The following KCNIP4 variants were observed in gnomAD, a reference collection of about 807,000 sequenced individuals.
KCNIP4 encodes the protein potassium voltage-gated channel interacting protein 4.
A neutral mutation model predicts 34.0 loss-of-function variants in KCNIP4; 12 were observed. That is an observed-to-expected ratio of 0.35 (90% CI 0.23 to 0.57). The LOEUF is 0.57. KCNIP4 is among the 20% of genes least tolerant of loss of function. KCNIP4 has a pLI of 0.83. For synonymous variants in KCNIP4, 124 were observed against 102.2 expected (o/e 1.21, Z -1.29); for missense variants, 238 against 311.7 (o/e 0.76, Z 1.78).
chr4:20,850,367 T>C (rs865905249), intron 3 of KCNIP4, 176 bp downstream of exon 3: 3 of 622,080 alleles, frequency 4.8e-6, no homozygotes, highest in Admixed American at 2.6e-5. Flanking sequence ...AGCATGGGTG[T>C]GCCACAGAGA....
At chr4:21,895,694 C>T (rs970501456) in intron 1 of KCNIP4, among the ~76,000 whole-genome samples, 1 of 152,012 alleles carries the variant, frequency 6.6e-6, no homozygotes, top group East Asian at 1.9e-4. Context: ...GTCTGGATAG[C>T]GAGAACCACA....
chr4:21,849,852 T>G (rs904407440), intron 1 of KCNIP4: 17 of 152,024 alleles, frequency 1.1e-4, no homozygotes, highest in African/African-American at 3.6e-4. Context: ...TGTGTGTCTG[T>G]GTGTCTGTGT....
At chr4:21,257,421 T>C (rs1342648344) in intron 1 of KCNIP4, among the ~76,000 whole-genome samples, 1 of 151,950 alleles carries the variant, frequency 6.6e-6, no homozygotes, top group Non-Finnish European at 1.5e-5. Context: ...AGAGATGCAA[T>C]GTTTTGGGCT....
intron 2 of KCNIP4, among the ~76,000 whole-genome samples, chr4:20,880,797 C>G (rs1028585694): frequency 3.9e-5 from 6 of 152,094 alleles, no homozygotes; most frequent in Non-Finnish European, 5.9e-5. Context: ...AATAAAAGTG[C>G]CTGCAGCTTC....
intron 1 of KCNIP4, among the ~76,000 whole-genome samples, chr4:21,398,763 T>C (rs181637685): frequency 1.9e-4 from 29 of 152,334 alleles, no homozygotes; most frequent in African/African-American, 6.7e-4. Flanking sequence ...TCTCTCTCTT[T>C]CTTTCTTTCT....
chr4:20,754,415 CCAT>C (rs1754156494), intron 4 of KCNIP4, among the ~76,000 whole-genome samples: 2 of 152,138 alleles, frequency 1.3e-5, no homozygotes, highest in South Asian at 4.1e-4. Context: ...TGCATTCAGA[CCAT>C]CATCCTGAAT....
At chr4:20,781,822 T>C (rs968201075) in intron 3 of KCNIP4, among the ~76,000 whole-genome samples, 1 of 152,100 alleles carries the variant, frequency 6.6e-6, no homozygotes, top group Non-Finnish European at 1.5e-5. Flanking sequence ...AATCATGCCT[T>C]CCTAACAGTC....
intron 1 of KCNIP4, among the ~76,000 whole-genome samples, chr4:20,931,447 T>C (rs1485994463): frequency 6.6e-6 from 1 of 152,074 alleles, no homozygotes; most frequent in Non-Finnish European, 1.5e-5. Context: ...GCCGAAATGG[T>C]ATATACTACT....
At chr4:21,552,246 A>G (rs909716588) in intron 1 of KCNIP4, among the ~76,000 whole-genome samples, 2 of 151,982 alleles carry the variant, frequency 1.3e-5, no homozygotes, top group African/African-American at 4.8e-5. Context: ...TTTAGTGATA[A>G]CTCTTTCAGT....
intron 1 of KCNIP4, among the ~76,000 whole-genome samples, chr4:21,714,764 A>C: frequency 6.8e-6 from 1 of 147,846 alleles, no homozygotes; most frequent in Non-Finnish European, 1.5e-5. Flanking sequence ...ATTATAAAGA[A>C]TGTGTTAGTA....
At chr4:20,749,793 G>A in intron 4 of KCNIP4, 61 bp from the exon 5 acceptor site, 1 of 1,119,818 alleles carries the variant, frequency 8.9e-7, no homozygotes, top group Non-Finnish European at 1.3e-6. Context: ...ATAAGACTTG[G>A]ATAGCAGTCC....
chr4:21,681,304 A>C (rs1560622751), intron 1 of KCNIP4, among the ~76,000 whole-genome samples: 1 of 150,826 alleles, frequency 6.6e-6, no homozygotes, highest in African/African-American at 2.4e-5. Flanking sequence ...ACAAGGCCTC[A>C]CTATGTTGAT....
intron 1 of KCNIP4, among the ~76,000 whole-genome samples, chr4:21,288,753 A>G (rs1763265688): frequency 6.6e-6 from 1 of 152,178 alleles, no homozygotes; most frequent in African/African-American, 2.4e-5. Flanking sequence ...AAAGTTGAGT[A>G]AGTACTGACC....
intron 1 of KCNIP4, among the ~76,000 whole-genome samples, chr4:21,151,630 T>G (rs1752768041): frequency 6.6e-6 from 1 of 151,916 alleles, no homozygotes; most frequent in Non-Finnish European, 1.5e-5. Context: ...CTAAAACAAA[T>G]TATCTCCCAA....
chr4:21,330,758 G>A (rs1715550680), intron 1 of KCNIP4, among the ~76,000 whole-genome samples: 1 of 152,144 alleles, frequency 6.6e-6, no homozygotes, highest in Non-Finnish European at 1.5e-5. Context: ...CTTACCTCAA[G>A]TGAATGATTA....
chr4:21,239,879 T>C (rs1464031317), intron 1 of KCNIP4, among the ~76,000 whole-genome samples: 1 of 152,136 alleles, frequency 6.6e-6, no homozygotes, highest in Non-Finnish European at 1.5e-5. Flanking sequence ...ACTGGGTATA[T>C]ACCCAAAGGA....
At chr4:21,427,694 G>T (rs1372007769) in intron 1 of KCNIP4, among the ~76,000 whole-genome samples, 1 of 152,144 alleles carries the variant, frequency 6.6e-6, no homozygotes, top group African/African-American at 2.4e-5. Context: ...TCAGAAAGAT[G>T]AATACAGTAG....
chr4:21,060,637 T>C (rs1743831983), intron 1 of KCNIP4, among the ~76,000 whole-genome samples: 1 of 152,138 alleles, frequency 6.6e-6, no homozygotes, highest in Admixed American at 6.6e-5. Context: ...TTTCAGCCAA[T>C]AGAATGCTCA....
chr4:21,625,728 G>C (rs1329010062), intron 1 of KCNIP4, among the ~76,000 whole-genome samples: 1 of 152,114 alleles, frequency 6.6e-6, no homozygotes, highest in Non-Finnish European at 1.5e-5. Flanking sequence ...TTAAAGCAAA[G>C]CTCTCAAGCT....
Sources: gnomAD v4.1 joint callset for allele counts (sites outside exome capture counted in the v4.1 genomes callset) on GRCh38, gnomAD v4.1.1 for gene constraint, MANE v1.5 for transcripts, NCBI Gene and HGNC (gene_info 2026-07-23, HGNC 2026-07-21) for gene names.